PCDHA9: variants seen among roughly 807,000 people sequenced by gnomAD.
PCDHA9 encodes the protein protocadherin alpha 9.
In PCDHA9, 62 loss-of-function variants were observed where a neutral mutation model predicts 62.0. The observed-to-expected ratio is 1.00, with a 90% CI of 0.81 to 1.23. PCDHA9 has a LOEUF of 1.23. PCDHA9 is among the 50% of genes most tolerant of loss of function. The pLI is 0.00. For synonymous variants in PCDHA9, 557 were observed against 567.6 expected, an observed-to-expected ratio of 0.98 and a Z score of 0.27; for missense variants, 1,205 against 1,249.8, an observed-to-expected ratio of 0.96 and a Z score of 0.54.
In PCDHA9 at chr5:140,883,629, C is replaced by T. The variant is rs1467301210; in HGVS notation, c.2394+32740C>T. ...GCCGACGTGAACGACAACGCGCCGGCGTTCGCGCAGCCCGAGTACACGGTG... is the reference window on the plus strand; with the variant it reads ...GCCGACGTGAACGACAACGCGCCGGTGTTCGCGCAGCCCGAGTACACGGTG... On this transcript the variant is annotated intron_variant, in intron 1 of 3. Transcript: ENST00000532602. 6.2e-7 allele frequency: 1 copy of T among 1,613,868 alleles called. No individual in the cohort carries two copies. Among genetic ancestry groups the T allele is most frequent in the African/African-American group, 1.3e-5 (1 of 74,936 alleles).
intron 1 of PCDHA9, among the ~76,000 whole-genome samples, chr5:140,902,203 C>CTTTT (rs148688132): frequency 2.0e-4 from 25 of 124,426 alleles, no homozygotes; most frequent in African/African-American, 2.5e-4. Flanking sequence ...CTCTCTCTTT[C>CTTTT]TTTTTTTTTT....
At chr5:140,855,140 G>C (rs2043352790) in intron 1 of PCDHA9, among the ~76,000 whole-genome samples, 1 of 149,686 alleles carries the variant, frequency 6.7e-6, no homozygotes. Context: ...TTTGCCTGAT[G>C]AGCCAAATTT....
At chr5:140,881,918 A>G (rs1263343700) in intron 1 of PCDHA9, 3 of 252,356 alleles carry the variant, frequency 1.2e-5, no homozygotes, top group Non-Finnish European at 2.3e-5. Flanking sequence ...TGTTGAGCAG[A>G]ATGCAGTGAT....
chr5:141,009,103 C>G (rs1440460108), intron 3 of PCDHA9, among the ~76,000 whole-genome samples: 1 of 152,170 alleles, frequency 6.6e-6, no homozygotes, highest in African/African-American at 2.4e-5. Flanking sequence ...ACATATGTTA[C>G]TATGAAACTA....
chr5:140,851,143 A>T, intron 1 of PCDHA9: 1 of 1,310,128 alleles, frequency 7.6e-7, no homozygotes, highest in Non-Finnish European at 9.9e-7. Flanking sequence ...TTAAAGTGAC[A>T]TTGAATTTCT....
intron 1 of PCDHA9, among the ~76,000 whole-genome samples, chr5:140,933,130 A>G (rs2088870055): frequency 6.6e-6 from 1 of 151,994 alleles, no homozygotes; most frequent in Non-Finnish European, 1.5e-5. Context: ...CTAAATAATA[A>G]AGGTAGATAG....
intron 3 of PCDHA9, among the ~76,000 whole-genome samples, chr5:140,995,650 A>T (rs1166713964): frequency 6.6e-6 from 1 of 152,182 alleles, no homozygotes; most frequent in Non-Finnish European, 1.5e-5. Context: ...GAAAAGGAGA[A>T]TCGAAAAGGG....
chr5:140,901,970 G>A (rs1178784932), intron 1 of PCDHA9, among the ~76,000 whole-genome samples: 1 of 151,954 alleles, frequency 6.6e-6, no homozygotes, highest in Non-Finnish European at 1.5e-5. Context: ...TCGTAAATGG[G>A]ATTACTTTTT....
intron 1 of PCDHA9, among the ~76,000 whole-genome samples, chr5:140,912,269 A>T (rs1463580948): frequency 6.6e-6 from 1 of 151,984 alleles, no homozygotes; most frequent in African/African-American, 2.4e-5. Context: ...ACCCTCACAG[A>T]TATACCCAGG....
intron 1 of PCDHA9, chr5:140,882,820 C>G (rs782663593): frequency 1.2e-6 from 2 of 1,614,102 alleles, no homozygotes; most frequent in African/African-American, 2.7e-5. Flanking sequence ...ACGCACAAAA[C>G]AGTCTTGAGC....
chr5:140,852,813 C>T, intron 1 of PCDHA9: 1 of 972,188 alleles, frequency 1.0e-6, no homozygotes, highest in Non-Finnish European at 1.2e-6. Context: ...TGTCTCCCGC[C>T]CTAAGTCCTC....
intron 1 of PCDHA9, chr5:140,865,657 A>C (rs2048950943): frequency 6.6e-6 from 1 of 152,200 alleles, no homozygotes; most frequent in Admixed American, 6.5e-5. Flanking sequence ...ATTTCATTTA[A>C]TACTTATAAC....
rs2150414883 is a variant in PCDHA9, at chr5:140,848,614, A to G, written c.119A>G (p.Glu40Gly). The G allele has an allele frequency of 1.9e-6, 3 of 1,593,564 alleles. No homozygotes were observed. The highest frequency in any genetic ancestry group is 1.3e-5 in the African/African-American group (1 of 74,498). ...QLHYSVPEEAEHGTFVGRIAQ... is the reference protein window; with the variant it reads ...QLHYSVPEEAGHGTFVGRIAQ... ...CACTACTCCGTCCCGGAGGAAGCCG[A>G]ACACGGCACCTTCGTGGGCCGCATC... Residue 40 changes from glutamate to glycine, a missense_variant, in exon 1 of 4, where the codon GAA becomes GGA. Around this residue, in one of 3 missense-constraint regions of PCDHA9, gnomAD observed 208 missense variants for 213.2 expected, o/e 0.98. Coordinates refer to ENST00000532602, the MANE Select transcript of PCDHA9 (RefSeq NM_031857.2).
At chr5:140,934,590 G>T (rs1305372783) in intron 1 of PCDHA9, among the ~76,000 whole-genome samples, 4 of 151,886 alleles carry the variant, frequency 2.6e-5, no homozygotes, top group Admixed American at 2.6e-4. Context: ...TCTGTAATGG[G>T]TCTTCAACTA....
At chr5:140,967,881 G>A (rs2096193873) in intron 1 of PCDHA9, 2 of 1,614,034 alleles carry the variant, frequency 1.2e-6, no homozygotes, top group Non-Finnish European at 1.7e-6. Context: ...GACCTGTATA[G>A]CCCAGTGCCT....
intron 1 of PCDHA9, chr5:140,870,860 C>G: frequency 6.2e-7 from 1 of 1,613,882 alleles, no homozygotes; most frequent in East Asian, 2.2e-5. Context: ...TCGGTGGGTG[C>G]GGGCCACGTG....
At chr5:140,920,000 A>T (rs1486623735) in intron 1 of PCDHA9, among the ~76,000 whole-genome samples, 1 of 152,178 alleles carries the variant, frequency 6.6e-6, no homozygotes, top group Non-Finnish European at 1.5e-5. Flanking sequence ...GACACAGAGG[A>T]AAAGGCCATG....
At chr5:140,913,749 G>T (rs1166280044) in intron 1 of PCDHA9, among the ~76,000 whole-genome samples, 22 of 152,098 alleles carry the variant, frequency 1.4e-4, no homozygotes, top group Middle Eastern at 3.4e-3. Context: ...TCCTTTTGTT[G>T]TATCTCATAG....
At chr5:140,915,189 C>T (rs782151020) in intron 1 of PCDHA9, among the ~76,000 whole-genome samples, 21 of 152,010 alleles carry the variant, frequency 1.4e-4, no homozygotes, top group African/African-American at 4.1e-4. Context: ...CCTAGTGATC[C>T]GCCCATCTTG....
Sources: allele counts gnomAD v4.1 joint callset (sites outside exome capture counted in the v4.1 genomes callset), GRCh38; gene constraint gnomAD v4.1.1; regional missense constraint gnomAD v4.1.1; transcripts MANE v1.5; gene names NCBI Gene and HGNC (gene_info 2026-07-23, HGNC 2026-07-21).